RSRC1: variants seen among roughly 807,000 people sequenced by gnomAD.
RSRC1 encodes serine/Arginine-related protein 53.
In RSRC1, 39 loss-of-function variants were observed where a neutral mutation model predicts 49.1. The ratio of observed to expected loss-of-function variants is 0.79; its 90% CI spans 0.61 to 1.04. The LOEUF is 1.04. RSRC1 is among the 50% of genes least tolerant of loss of function. The probability of loss-of-function intolerance (pLI) is 0.00; values close to 1 mark genes in which losing one functional copy is unlikely to be tolerated. For synonymous variants in RSRC1, 143 were observed against 130.8 expected (o/e 1.09, Z -0.63); for missense variants, 388 against 402.4 (o/e 0.96, Z 0.31).
chr3:158,365,630 G>C (rs1578391735), intron 6 of RSRC1, among the ~76,000 whole-genome samples: 1 of 152,044 alleles, frequency 6.6e-6, no homozygotes. Context: ...GTCTTTATAG[G>C]AGAATGATTT....
intron 6 of RSRC1, among the ~76,000 whole-genome samples, chr3:158,389,252 A>G (rs193099855): frequency 6.6e-6 from 1 of 152,324 alleles, no homozygotes; most frequent in East Asian, 1.9e-4. Context: ...CCATAAAGAA[A>G]AGCAGAGTGT....
chr3:158,174,031 G>A (rs1055359979), intron 3 of RSRC1, among the ~76,000 whole-genome samples: 10 of 151,698 alleles, frequency 6.6e-5, no homozygotes, highest in African/African-American at 2.2e-4. Context: ...TATTGTGGTC[G>A]TACAACTTGG....
chr3:158,501,807 G>T (rs150557051), intron 7 of RSRC1, among the ~76,000 whole-genome samples: 16 of 152,186 alleles, frequency 1.1e-4, no homozygotes, highest in Non-Finnish European at 1.6e-4. Context: ...TCCATTCTGC[G>T]GTTCTGTATC....
intron 6 of RSRC1, among the ~76,000 whole-genome samples, chr3:158,420,113 G>C (rs549729797): frequency 9.2e-5 from 14 of 152,050 alleles, no homozygotes; most frequent in Admixed American, 7.9e-4. Context: ...CTTCACCTGT[G>C]TGGTATCACA....
At chr3:158,173,095 ATTAT>A (rs1248046692) in intron 3 of RSRC1, among the ~76,000 whole-genome samples, 1 of 152,050 alleles carries the variant, frequency 6.6e-6, no homozygotes, top group Non-Finnish European at 1.5e-5. Context: ...TATATCTGTG[ATTAT>A]TTACATATAC....
chr3:158,347,073 T>C (rs1730594377), intron 5 of RSRC1, among the ~76,000 whole-genome samples: 1 of 152,216 alleles, frequency 6.6e-6, no homozygotes, highest in African/African-American at 2.4e-5. Context: ...CTGAAAATGT[T>C]TTAGGAAAAA....
chr3:158,231,501 T>C (rs1277137307), intron 4 of RSRC1, among the ~76,000 whole-genome samples: 1 of 152,140 alleles, frequency 6.6e-6, no homozygotes, highest in Non-Finnish European at 1.5e-5. Flanking sequence ...ACATCCTGAA[T>C]AAATGACTTT....
intron 7 of RSRC1, among the ~76,000 whole-genome samples, chr3:158,502,356 T>G (rs1366726061): frequency 6.9e-6 from 1 of 144,396 alleles, no homozygotes; most frequent in African/African-American, 2.4e-5. Flanking sequence ...GATGATCTTT[T>G]TGCAGTGAAT....
chr3:158,516,923 C>T (rs1740584774), intron 7 of RSRC1, among the ~76,000 whole-genome samples: 1 of 152,234 alleles, frequency 6.6e-6, no homozygotes, highest in South Asian at 2.1e-4. Flanking sequence ...CTTGTGCTTC[C>T]CAAGTGAGGC....
chr3:158,121,463 C>G (rs933200492), intron 1 of RSRC1, among the ~76,000 whole-genome samples: 3 of 152,122 alleles, frequency 2.0e-5, no homozygotes, highest in Admixed American at 6.6e-5. Flanking sequence ...TGACTGATTT[C>G]TCAATAACCT....
Position 158,298,025 on chromosome 3 carries a change from C to T in RSRC1, c.495-14C>T. 6.3e-7 allele frequency: 1 copy of T among 1,587,604 alleles called. No homozygotes were observed. Among genetic ancestry groups the T allele is most frequent in the Non-Finnish European group, 8.6e-7 (1 of 1,157,052 alleles). ...ATTTAGCAACTATTTAGAACTTTTA[C>T]TCTTCTATTTTAGGGAATCTGGAAA... On this transcript the variant is annotated splice_polypyrimidine_tract_variant and intron_variant, in intron 4 of 9. Coordinates refer to ENST00000611884, the MANE Select transcript of RSRC1 (RefSeq NM_001271838.2).
At chr3:158,300,437 C>T (rs1430840262) in intron 5 of RSRC1, among the ~76,000 whole-genome samples, 2 of 152,038 alleles carry the variant, frequency 1.3e-5, no homozygotes, top group Admixed American at 6.6e-5. Flanking sequence ...CTTTATAAAC[C>T]TTTCTAAAAA....
At chr3:158,129,516 C>A (rs561120031) in intron 3 of RSRC1, among the ~76,000 whole-genome samples, 1 of 151,960 alleles carries the variant, frequency 6.6e-6, no homozygotes, top group Admixed American at 6.6e-5. Context: ...GTCTTGAACT[C>A]CTGACCTCAA....
At chr3:158,229,541 T>C (rs1486862422) in intron 4 of RSRC1, among the ~76,000 whole-genome samples, 3 of 149,930 alleles carry the variant, frequency 2.0e-5, no homozygotes, top group African/African-American at 7.5e-5. Flanking sequence ...TGTGTGTTTT[T>C]TGTTTTTTTT....
At chr3:158,238,696 C>T (rs1723384783) in intron 4 of RSRC1, among the ~76,000 whole-genome samples, 4 of 152,160 alleles carry the variant, frequency 2.6e-5, no homozygotes, top group Admixed American at 2.6e-4. Context: ...CCCTTCCTTA[C>T]ACCTTATACA....
At chr3:158,355,542 C>G (rs1006397251) in intron 6 of RSRC1, among the ~76,000 whole-genome samples, 3 of 151,874 alleles carry the variant, frequency 2.0e-5, no homozygotes, top group African/African-American at 7.2e-5. Context: ...ACTGTATGTT[C>G]TGGATACCAT....
In RSRC1 at chr3:158,404,094, A is replaced by T. The variant is rs117859300; in HGVS notation, c.583+49186A>T. The stretch of plus-strand genomic sequence containing the variant: ...ATAGTCCTTGGGGGTGACAGCTTGC[A>T]GAATATCTTTCAAGGCCATGAATTT... On this transcript the variant is annotated intron_variant, in intron 6 of 9. Coordinates refer to ENST00000611884, the MANE Select transcript of RSRC1 (RefSeq NM_001271838.2). Among the ~76,000 whole-genome samples, 9 of 151,996 alleles carry T rather than the reference A, an allele frequency of 5.9e-5. No individual in the cohort carries two copies. The East Asian group carries it at 1.7e-3, about 29-fold the overall frequency.
rs1724959384 is a variant in RSRC1, at chr3:158,262,509, A to G, written c.495-35530A>G. On this transcript the variant is annotated intron_variant, in intron 4 of 9. Coordinates refer to ENST00000611884, the MANE Select transcript of RSRC1 (RefSeq NM_001271838.2). ...GGAATCATGTGGTCTTAGCTCTCCAACTTAATTCTCTTCAAAGTTGTTTTG... is the reference window on the plus strand; with the variant it reads ...GGAATCATGTGGTCTTAGCTCTCCAGCTTAATTCTCTTCAAAGTTGTTTTG... 2.0e-5 allele frequency among the ~76,000 whole-genome samples: 3 copies of G among 152,138 alleles called. No individual in the cohort carries two copies. In the South Asian group the frequency reaches 6.2e-4, roughly 31 times the overall value.
At chr3:158,388,233 A>G (rs1359208990) in intron 6 of RSRC1, among the ~76,000 whole-genome samples, 3 of 151,868 alleles carry the variant, frequency 2.0e-5, no homozygotes, top group African/African-American at 4.8e-5. Flanking sequence ...CCATTATAAA[A>G]TGGGAGCTAA....
Sources: gnomAD v4.1 joint callset for allele counts (sites outside exome capture counted in the v4.1 genomes callset) on GRCh38, gnomAD v4.1.1 for gene constraint, MANE v1.5 for transcripts, NCBI Gene and HGNC (gene_info 2026-07-23, HGNC 2026-07-21) for gene names.